NCOA3: variants seen among roughly 807,000 people sequenced by gnomAD.
The protein encoded by NCOA3 is CBP-interacting protein.
In NCOA3, 51 loss-of-function variants were observed where a neutral mutation model predicts 158.8. The observed-to-expected ratio is 0.32, with a 90% CI of 0.26 to 0.41. The LOEUF (loss-of-function observed/expected upper bound fraction) is 0.41. NCOA3 is among the 10% of genes least tolerant of loss of function. The pLI is 1.00. For missense variants in NCOA3, 1,510 were observed against 1,746.6 expected (o/e 0.86, Z 2.41); for synonymous variants, 537 against 592.4 (o/e 0.91, Z 1.36).
chr20:47,559,606 C>T (rs2085066576), intron 1 of NCOA3, among the ~76,000 whole-genome samples: 1 of 152,068 alleles, frequency 6.6e-6, no homozygotes, highest in Non-Finnish European at 1.5e-5. Flanking sequence ...TCAGGCTCTG[C>T]GTGGTGGCTC....
chr20:47,630,394 T>A (rs1043501159), intron 8 of NCOA3: 2 of 152,074 alleles, frequency 1.3e-5, no homozygotes, highest in African/African-American at 2.4e-5. Flanking sequence ...CAAACCAAAC[T>A]TGGTTTTCTT....
rs532018081 is a variant in NCOA3 at position 47,540,660 on chromosome 20, T to G, written c.-99+38641T>G. On this transcript the variant is annotated intron_variant, in intron 1 of 22. Transcript: ENST00000371998. The stretch of plus-strand genomic sequence containing the variant: ...TGTGTGTATACAAAACAATATAAGG[T>G]CTTATCTCTTCTTCTCAAGGAATTT... 6.6e-5 allele frequency among the ~76,000 whole-genome samples: 10 copies of G among 152,266 alleles called. 1 individual carries two copies. In the East Asian group the frequency reaches 1.5e-3, roughly 23 times the overall value.
Position 47,598,807 on chromosome 20 carries a change from A to G in NCOA3, c.-20+15546A>G, listed in dbSNP as rs1250973037. 2.0e-5 allele frequency among the ~76,000 whole-genome samples: 3 copies of G among 152,368 alleles called. No individual in the cohort carries two copies. In the East Asian group the frequency reaches 5.8e-4, roughly 29 times the overall value. On this transcript the variant is annotated intron_variant, in intron 2 of 22. Transcript: ENST00000371998. ...AAAATGTGGTGTATCCATACAGTGA[A>G]GTATTAGCCAGAAATAAAAAGCAAT...
At chr20:47,549,366 T>TA (rs140708289) in intron 1 of NCOA3, among the ~76,000 whole-genome samples, 2,751 of 145,322 alleles carry the variant, frequency 0.019, 87 homozygotes, top group African/African-American at 0.065. Context: ...GACAAAAAAT[T>TA]AAAAAAAAAA....
At chr20:47,546,532 T>G (rs1157474333) in intron 1 of NCOA3, among the ~76,000 whole-genome samples, 1 of 151,114 alleles carries the variant, frequency 6.6e-6, no homozygotes, top group African/African-American at 2.4e-5. Flanking sequence ...CCTCTGTTTT[T>G]TTTTTTTTTT....
At chr20:47,635,788 T>C (rs1174199844) in intron 11 of NCOA3, 75 bp downstream of exon 11, 1 of 1,491,196 alleles carries the variant, frequency 6.7e-7, no homozygotes, top group East Asian at 2.3e-5. Context: ...ATAATTCTTG[T>C]AAAGTTAATC....
At chr20:47,646,931 G>C (rs983152113) in intron 17 of NCOA3, 142 bp from the exon 18 acceptor site, 4 of 682,302 alleles carry the variant, frequency 5.9e-6, no homozygotes, top group Non-Finnish European at 1.0e-5. Context: ...TTAGCATGTA[G>C]AGAAGTGATG....
rs1028720339 is a variant in NCOA3, at chr20:47,600,153, A to T, written c.-20+16892A>T. Among the ~76,000 whole-genome samples the T allele has an allele frequency of 4.2e-4, 54 of 127,368 alleles. 1 individual carries two copies. In the East Asian group the frequency reaches 0.011, roughly 25 times the overall value. The allele number at this position is 127,368 out of a possible 152,430, so 83.6% of individuals were successfully genotyped here. ...GTGTGTGTGTGTGTGTGTATTTTAT[A>T]TATTTTATATATATATATTTTTTTA... On this transcript the variant is annotated intron_variant, in intron 2 of 22. Coordinates refer to ENST00000371998, the MANE Select transcript of NCOA3 (RefSeq NM_181659.3).
chr20:47,603,218 A>G (rs945572580), intron 2 of NCOA3, among the ~76,000 whole-genome samples: 18 of 152,262 alleles, frequency 1.2e-4, no homozygotes, highest in Non-Finnish European at 2.6e-4. Flanking sequence ...CATCTCTTAA[A>G]TTCTCCTGTA....
intron 1 of NCOA3, among the ~76,000 whole-genome samples, chr20:47,565,978 A>T (rs539756529): frequency 1.1e-4 from 17 of 151,934 alleles, no homozygotes; most frequent in African/African-American, 2.2e-4. Flanking sequence ...CCATTTAAAA[A>T]TTTTTTTTTA....
At chr20:47,599,105 T>C (rs2085814429) in intron 2 of NCOA3, among the ~76,000 whole-genome samples, 1 of 152,208 alleles carries the variant, frequency 6.6e-6, no homozygotes, top group Non-Finnish European at 1.5e-5. Context: ...TAAGGGACAC[T>C]CTGTGATGTT....
At chr20:47,631,895 T>C (rs72645259) in intron 8 of NCOA3, among the ~76,000 whole-genome samples, 4,241 of 152,328 alleles carry the variant, frequency 0.028, 84 homozygotes, top group Middle Eastern at 0.068. Flanking sequence ...ACACTGTTTT[T>C]CTACACTGCC....
chr20:47,610,744 G>A (rs1313584316), intron 2 of NCOA3, among the ~76,000 whole-genome samples: 1 of 152,102 alleles, frequency 6.6e-6, no homozygotes, highest in Non-Finnish European at 1.5e-5. Context: ...ACATCTCTCT[G>A]TTCTACCTTC....
intron 1 of NCOA3, among the ~76,000 whole-genome samples, chr20:47,578,303 G>A (rs1057508302): frequency 4.6e-5 from 7 of 151,534 alleles, no homozygotes; most frequent in Non-Finnish European, 7.4e-5. Context: ...CTCCTGCCTC[G>A]GCCTCCCGAG....
At position 47,627,192 on chromosome 20, in the gene NCOA3, G is replaced by A. The variant is rs762650631; in HGVS notation, c.532+16G>A. ...AAATCTACAGGTAGGCTTTTAATGTGTATTTTCTAAATAGGTTAAATTTTT... is the reference window on the plus strand; with the variant it reads ...AAATCTACAGGTAGGCTTTTAATGTATATTTTCTAAATAGGTTAAATTTTT... On this transcript the variant is annotated intron_variant, in intron 6 of 22. Coordinates refer to ENST00000371998, the MANE Select transcript of NCOA3 (RefSeq NM_181659.3). 77 of 1,557,356 alleles carry A rather than the reference G, an allele frequency of 4.9e-5. No homozygotes were observed. The highest frequency in any genetic ancestry group is 6.0e-5 in the South Asian group (5 of 83,188).
intron 17 of NCOA3, among the ~76,000 whole-genome samples, chr20:47,642,866 C>T (rs1555816393): frequency 6.6e-6 from 1 of 152,164 alleles, no homozygotes; most frequent in Non-Finnish European, 1.5e-5. Context: ...CTTATGAAAA[C>T]ATGCCATTCA....
At chr20:47,586,281 T>C (rs1039050731) in intron 2 of NCOA3, among the ~76,000 whole-genome samples, 2 of 152,154 alleles carry the variant, frequency 1.3e-5, no homozygotes, top group African/African-American at 4.8e-5. Context: ...TACAAAAATA[T>C]AGTATAAAGA....
chr20:47,613,635 A>C (rs1193486328), intron 2 of NCOA3, among the ~76,000 whole-genome samples: 1 of 152,166 alleles, frequency 6.6e-6, no homozygotes, highest in African/African-American at 2.4e-5. Flanking sequence ...TAAGTAGGCC[A>C]GGCGCGGCGG....
chr20:47,589,574 C>T (rs1164893525), intron 2 of NCOA3, among the ~76,000 whole-genome samples: 3 of 151,872 alleles, frequency 2.0e-5, no homozygotes, highest in Non-Finnish European at 4.4e-5. Flanking sequence ...CGGGGTTTTG[C>T]CATGTTGTCC....
Sources: gnomAD v4.1 joint callset for allele counts (sites outside exome capture counted in the v4.1 genomes callset) on GRCh38, gnomAD v4.1.1 for gene constraint, MANE v1.5 for transcripts, NCBI Gene and HGNC (gene_info 2026-07-23, HGNC 2026-07-21) for gene names.